Variants in KLF17 observed in about 807,000 individuals in gnomAD.
The protein encoded by KLF17 is KLF transcription factor 17.
A neutral mutation model predicts 34.2 loss-of-function variants in KLF17; 31 were observed. The ratio of observed to expected loss-of-function variants is 0.91; its 90% confidence interval spans 0.68 to 1.22. The LOEUF is 1.22. Ranked by LOEUF, KLF17 falls within the 50% of genes most tolerant of loss-of-function variation. KLF17 has a pLI of 0.00. For synonymous variants in KLF17, 179 were observed against 186.7 expected, an observed-to-expected ratio of 0.96 and a Z score of 0.34; for missense variants, 478 against 505.2, an observed-to-expected ratio of 0.95 and a Z score of 0.52.
the KLF17 span, among the ~76,000 whole-genome samples, chr1:44,070,243 A>G: frequency 6.6e-6 from 1 of 152,118 alleles, no homozygotes; most frequent in African/African-American, 2.4e-5. Flanking sequence ...ATTTTGTTAC[A>G]TTGATATTTT....
the KLF17 span, among the ~76,000 whole-genome samples, chr1:44,081,005 G>A: frequency 3.3e-4 from 50 of 151,598 alleles, no homozygotes; most frequent in South Asian, 1.0e-3. Flanking sequence ...AGAAACCACC[G>A]CACCCCACCT....
At chr1:44,097,182 ATCTGTTTTGGTACCAGTACCAT>A in the KLF17 span, among the ~76,000 whole-genome samples, 84 of 151,334 alleles carry the variant, frequency 5.6e-4, no homozygotes, top group South Asian at 1.5e-3. Flanking sequence ...TGGTCTATAT[ATCTGTTTTGGTACCAGTACCAT>A]TCTGTTTTGG....
At chr1:44,072,180 G>GT in the KLF17 span, among the ~76,000 whole-genome samples, 5 of 149,824 alleles carry the variant, frequency 3.3e-5, no homozygotes, top group Admixed American at 6.6e-5. Flanking sequence ...TTTTTTTTTT[G>GT]TTTTTTGCCT....
chr1:44,061,769 T>C, the KLF17 span, among the ~76,000 whole-genome samples: 1 of 152,002 alleles, frequency 6.6e-6, no homozygotes, highest in Non-Finnish European at 1.5e-5. Flanking sequence ...AATACAAAAA[T>C]TAGCCAGGTG....
the KLF17 span, among the ~76,000 whole-genome samples, chr1:44,113,006 C>T: frequency 6.6e-6 from 1 of 152,222 alleles, no homozygotes; most frequent in Non-Finnish European, 1.5e-5. Context: ...AAATCCATAA[C>T]TCCAGCCCAG....
chr1:44,101,804 A>C, the KLF17 span, among the ~76,000 whole-genome samples: 1 of 152,006 alleles, frequency 6.6e-6, no homozygotes, highest in Non-Finnish European at 1.5e-5. Flanking sequence ...AGGCAGACAG[A>C]TCACTTGAGC....
chr1:44,107,774 G>A, the KLF17 span, among the ~76,000 whole-genome samples: 1 of 151,888 alleles, frequency 6.6e-6, no homozygotes, highest in Admixed American at 6.6e-5. Flanking sequence ...TAGTGATGCT[G>A]GTATATTGTT....
the KLF17 span, among the ~76,000 whole-genome samples, chr1:44,099,833 G>GAAAGAAAGAAAGA: frequency 1.7e-4 from 2 of 11,868 alleles, no homozygotes; most frequent in African/African-American, 1.3e-3. Context: ...AAAGAAGAAA[G>GAAAGAAAGAAAGA]AAAGAAAGAA....
chr1:44,054,595 C>T, the KLF17 span, among the ~76,000 whole-genome samples: 15 of 150,708 alleles, frequency 1.0e-4, no homozygotes, highest in African/African-American at 3.2e-4. Context: ...ATTCTCCTGC[C>T]GCAGCCTCCC....
upstream of KLF17, chr1:44,115,023 A>G (rs1028978797): frequency 1.3e-5 from 2 of 152,230 alleles, no homozygotes; most frequent in African/African-American, 2.4e-5. Context: ...TATTAGACAC[A>G]TCCAAGTTTA....
At chr1:44,132,086 C>CACA (rs1282723915) in intron 3 of KLF17, among the ~76,000 whole-genome samples, 4 of 152,014 alleles carry the variant, frequency 2.6e-5, no homozygotes, top group African/African-American at 9.7e-5. Flanking sequence ...GCGGGTGGAT[C>CACA]ACAAGGTCAG....
intron 1 of KLF17, among the ~76,000 whole-genome samples, chr1:44,120,654 AG>A (rs1438121865): frequency 1.1e-4 from 16 of 152,314 alleles, no homozygotes; most frequent in African/African-American, 3.8e-4. Flanking sequence ...GTAGTGGTGA[AG>A]GCATGTTTAG....
At chr1:44,104,685 G>A in the KLF17 span, 2 of 426,594 alleles carry the variant, frequency 4.7e-6, no homozygotes, top group Non-Finnish European at 4.3e-6. Flanking sequence ...CAGGCACTGG[G>A]CCCACTCGTA....
chr1:44,046,655 G>T, the KLF17 span, among the ~76,000 whole-genome samples: 2 of 152,136 alleles, frequency 1.3e-5, no homozygotes, highest in Admixed American at 1.3e-4. Flanking sequence ...CAGAGGTTAA[G>T]TAACTGGTTC....
At chr1:44,087,058 C>G in the KLF17 span, among the ~76,000 whole-genome samples, 2 of 152,162 alleles carry the variant, frequency 1.3e-5, no homozygotes, top group East Asian at 3.9e-4. Flanking sequence ...CTGGATTTCA[C>G]AAGGGTTTGG....
chr1:44,122,002 A>T (rs1290147545), intron 1 of KLF17, among the ~76,000 whole-genome samples: 1 of 152,204 alleles, frequency 6.6e-6, no homozygotes, highest in Non-Finnish European at 1.5e-5. Context: ...TTCCTTAGGG[A>T]TGGCAAAATA....
At chr1:44,094,461 G>T in the KLF17 span, among the ~76,000 whole-genome samples, 1 of 152,134 alleles carries the variant, frequency 6.6e-6, no homozygotes, top group Non-Finnish European at 1.5e-5. Context: ...TTCTTTTAGT[G>T]GTTTCATAGT....
intron 3 of KLF17, among the ~76,000 whole-genome samples, chr1:44,132,849 A>C (rs1173789699): frequency 6.6e-6 from 1 of 152,214 alleles, no homozygotes; most frequent in African/African-American, 2.4e-5. Context: ...CAGGTAGTTT[A>C]GAACCTCATA....
chr1:44,070,389 CTCTACTTCCACAT>C, the KLF17 span, among the ~76,000 whole-genome samples: 2 of 152,098 alleles, frequency 1.3e-5, no homozygotes, highest in Non-Finnish European at 2.9e-5. Context: ...TCATTCCACA[CTCTACTTCCACAT>C]GTACACATTA....
Sources: allele counts gnomAD v4.1 joint callset (sites outside exome capture counted in the v4.1 genomes callset), GRCh38; gene constraint gnomAD v4.1.1; transcripts MANE v1.5; gene names NCBI Gene and HGNC (gene_info 2026-07-23, HGNC 2026-07-21).